The following ZNHIT6 variants were observed in gnomAD, a reference collection of about 807,000 sequenced individuals.
The protein encoded by ZNHIT6 is box C/D snoRNA protein 1.
Under a neutral mutation model 57.2 loss-of-function variants are expected in ZNHIT6, and 45 were observed. That is an observed-to-expected ratio of 0.79 (90% CI 0.62 to 1.01). The LOEUF is 1.01. Among genes scored for constraint, ZNHIT6 ranks in the 50% least tolerant of loss-of-function variants. The probability of loss-of-function intolerance (pLI) is 0.00; values close to 1 mark genes in which losing one functional copy is unlikely to be tolerated. For missense variants in ZNHIT6, 528 were observed against 567.3 expected, an observed-to-expected ratio of 0.93 and a Z score of 0.70; for synonymous variants, 188 against 190.0, an observed-to-expected ratio of 0.99 and a Z score of 0.09.
rs1241141188 is a variant in ZNHIT6 at position 85,704,825 on chromosome 1, C to T, written c.915+1253G>A. Among the ~76,000 whole-genome samples the T allele has an allele frequency of 5.9e-5, 9 of 152,086 alleles. No individual in the cohort carries two copies. In the East Asian group the frequency reaches 1.7e-3, roughly 29 times the overall value. On this transcript the variant is annotated intron_variant, in intron 4 of 9. Coordinates refer to ENST00000370574, the MANE Select transcript of ZNHIT6 (RefSeq NM_017953.4). ...CTAAAATGAACACAATTCCAGGATACGATTTAATCACACCATAAACAAATT... is the reference window on the plus strand; with the variant it reads ...CTAAAATGAACACAATTCCAGGATATGATTTAATCACACCATAAACAAATT...
chr1:85,678,092 A>G (rs1557851606), intron 7 of ZNHIT6, among the ~76,000 whole-genome samples: 1 of 152,190 alleles, frequency 6.6e-6, no homozygotes, highest in Non-Finnish European at 1.5e-5. Context: ...TCACACAGCT[A>G]ATAAGGGACA....
intron 4 of ZNHIT6, among the ~76,000 whole-genome samples, chr1:85,704,260 C>T (rs1205352929): frequency 6.6e-6 from 1 of 152,136 alleles, no homozygotes; most frequent in African/African-American, 2.4e-5. Flanking sequence ...CAAAGCAATT[C>T]TATTCCCAGG....
Position 85,653,913 on chromosome 1 carries a change from T to C in ZNHIT6, c.*145A>G. 1 of 639,222 alleles carries C rather than the reference T, an allele frequency of 1.6e-6. No individual in the cohort carries two copies. Among genetic ancestry groups the C allele is most frequent in the Non-Finnish European group, 2.7e-6 (1 of 369,048 alleles). 39.6% of individuals were successfully genotyped at this position (639,222 alleles called of 1,614,324 possible). A position where few individuals can be genotyped will look rare whatever the true frequency, so the allele number is the denominator to read the frequency against. ...TAATTCAAGAGGTTATAAAATACATTTTTTAAAAGAGTTAAGCTTATTTTT... is the reference window on the plus strand; with the variant it reads ...TAATTCAAGAGGTTATAAAATACATCTTTTAAAAGAGTTAAGCTTATTTTT... On this transcript the variant is annotated 3_prime_UTR_variant, in exon 10 of 10. Coordinates refer to ENST00000370574, the MANE Select transcript of ZNHIT6 (RefSeq NM_017953.4).
At chr1:85,700,642 T>C (rs1471827386) in intron 5 of ZNHIT6, among the ~76,000 whole-genome samples, 1 of 152,214 alleles carries the variant, frequency 6.6e-6, no homozygotes, top group African/African-American at 2.4e-5. Flanking sequence ...TCATTCTGAA[T>C]AGTTTCTTTC....
intron 8 of ZNHIT6, among the ~76,000 whole-genome samples, chr1:85,658,843 C>T (rs1661145550): frequency 6.6e-6 from 1 of 151,708 alleles, no homozygotes; most frequent in African/African-American, 2.4e-5. Flanking sequence ...TGCACTCCAG[C>T]CTGGGCAAGA....
At position 85,708,067 on chromosome 1, in the gene ZNHIT6, A is replaced by C. The variant is rs1662743968; in HGVS notation, c.218T>G (p.Met73Arg). Reference sequence around the variant, plus strand: ...TTCCTGCTTCACTACCGTTAGGTCCATCGGTATTTCCTCTGGCCTTTGTCC... The same window carrying C: ...TTCCTGCTTCACTACCGTTAGGTCCCTCGGTATTTCCTCTGGCCTTTGTCC... ...GSGQRPEEIPMDLTVVKQEII... is the reference protein window; with the variant it reads ...GSGQRPEEIPRDLTVVKQEII... Residue 73 changes from methionine to arginine, a missense_variant, in exon 1 of 10, where the codon ATG (methionine) becomes AGG (arginine). By Grantham distance (91) the Met-to-Arg change is moderately conservative. Transcript: ENST00000370574. 1 of 1,614,016 alleles carries C rather than the reference A, an allele frequency of 6.2e-7. No individual in the cohort carries two copies. The highest frequency in any genetic ancestry group is 1.3e-5 in the African/African-American group (1 of 74,970).
At chr1:85,682,734 A>G (rs1458933924) in intron 5 of ZNHIT6, among the ~76,000 whole-genome samples, 1 of 152,240 alleles carries the variant, frequency 6.6e-6, no homozygotes, top group Non-Finnish European at 1.5e-5. Context: ...TCAAAAACAA[A>G]GAAAAACAGA....
At chr1:85,678,663 T>C (rs748897149) in intron 7 of ZNHIT6, 38 bp downstream of exon 7, 1 of 1,349,632 alleles carries the variant, frequency 7.4e-7, no homozygotes, top group Admixed American at 2.0e-5. Flanking sequence ...TCAACATTTT[T>C]AATTATTTCA....
intron 8 of ZNHIT6, among the ~76,000 whole-genome samples, chr1:85,669,309 A>G (rs7523292): frequency 0.23 from 35,172 of 151,994 alleles, 4,690 homozygotes; most frequent in Admixed American, 0.29. Flanking sequence ...GAGATAGGAA[A>G]AAGCATTTTA....
chr1:85,686,077 T>C (rs1662025859), intron 5 of ZNHIT6, among the ~76,000 whole-genome samples: 2 of 152,022 alleles, frequency 1.3e-5, no homozygotes, highest in African/African-American at 4.8e-5. Context: ...TTCTCCTGTC[T>C]CAGCCTCTCT....
intron 8 of ZNHIT6, among the ~76,000 whole-genome samples, chr1:85,674,091 G>A (rs1440941315): frequency 1.3e-5 from 2 of 152,130 alleles, no homozygotes; most frequent in Non-Finnish European, 2.9e-5. Flanking sequence ...GTCAAATGAT[G>A]CCATCACTAC....
chr1:85,681,053 A>T, intron 5 of ZNHIT6, 149 bp from the exon 6 acceptor site: 1 of 560,078 alleles, frequency 1.8e-6, no homozygotes, highest in Non-Finnish European at 3.0e-6. Context: ...TTTCTCTTGC[A>T]AGGGTTATTA....
intron 1 of ZNHIT6, 102 bp downstream of exon 1, chr1:85,707,527 A>C: frequency 1.5e-6 from 2 of 1,356,092 alleles, no homozygotes; most frequent in Non-Finnish European, 2.0e-6. Context: ...ACTTGTGCTC[A>C]TTTTTCATTA....
chr1:85,704,377 T>TA (rs763018960), intron 4 of ZNHIT6, among the ~76,000 whole-genome samples: 6 of 151,258 alleles, frequency 4.0e-5, no homozygotes, highest in South Asian at 4.2e-4. Context: ...CCAAAATCCA[T>TA]TAAAAAAATG....
At chr1:85,686,859 AT>A (rs1662055673) in intron 5 of ZNHIT6, among the ~76,000 whole-genome samples, 2 of 152,128 alleles carry the variant, frequency 1.3e-5, no homozygotes, top group Non-Finnish European at 2.9e-5. Context: ...CATTTTAATA[AT>A]TTATTTCTTA....
chr1:85,689,512 T>C (rs1332531197), intron 5 of ZNHIT6, among the ~76,000 whole-genome samples: 1 of 152,188 alleles, frequency 6.6e-6, no homozygotes, highest in Non-Finnish European at 1.5e-5. Context: ...TGGGAAGTAA[T>C]AGTTATATAT....
In ZNHIT6 at chr1:85,653,934, T is replaced by C. The variant is rs1660984246; in HGVS notation, c.*124A>G. ...ACATTTTTTAAAAGAGTTAAGCTTA[T>C]TTTTCATACAAAGAAAAAATTCCAA... On this transcript the variant is annotated 3_prime_UTR_variant, in exon 10 of 10. Transcript: ENST00000370574. The C allele has an allele frequency of 1.4e-5, 10 of 713,444 alleles. No individual in the cohort carries two copies. The East Asian group carries it at 2.7e-4, about 19-fold the overall frequency. 44.2% of individuals were successfully genotyped at this position (713,444 alleles called of 1,614,324 possible). A position where few individuals can be genotyped will look rare whatever the true frequency, so the allele number is the denominator to read the frequency against.
intron 4 of ZNHIT6, among the ~76,000 whole-genome samples, chr1:85,705,211 GTTTCT>G (rs2100724482): frequency 6.6e-6 from 1 of 152,194 alleles, no homozygotes; most frequent in Non-Finnish European, 1.5e-5. Context: ...ACCCTCACCA[GTTTCT>G]TTTCTTTTTT....
chr1:85,677,617 A>C (rs908596886), intron 7 of ZNHIT6, among the ~76,000 whole-genome samples: 12 of 152,258 alleles, frequency 7.9e-5, no homozygotes, highest in Admixed American at 7.8e-4. Context: ...ACTAATGATA[A>C]TAACTAGGTT....
Sources: allele counts gnomAD v4.1 joint callset (sites outside exome capture counted in the v4.1 genomes callset), GRCh38; gene constraint gnomAD v4.1.1; transcripts MANE v1.5; gene names NCBI Gene and HGNC (gene_info 2026-07-23, HGNC 2026-07-21).